Variants in TUFT1 observed in about 807,000 individuals in gnomAD.
The protein encoded by TUFT1 is tuftelin 1.
TUFT1 carries 43 observed loss-of-function variants against 57.8 expected under a neutral mutation model. The observed-to-expected ratio is 0.74, with a 90% CI of 0.58 to 0.96. The LOEUF is 0.96. TUFT1 is among the 40% of genes least tolerant of loss of function. TUFT1 has a pLI of 0.00. For synonymous variants in TUFT1, 166 were observed against 176.7 expected (o/e 0.94, Z 0.48); for missense variants, 459 against 489.0 (o/e 0.94, Z 0.58).
At chr1:151,546,798 T>C (rs1456306555) in intron 1 of TUFT1, among the ~76,000 whole-genome samples, 1 of 152,238 alleles carries the variant, frequency 6.6e-6, no homozygotes, top group African/African-American at 2.4e-5. Flanking sequence ...GGGTTCTTTC[T>C]ACTTTTTGGC....
chr1:151,574,189 T>G (rs1191426332), intron 7 of TUFT1, 81 bp from the exon 8 acceptor site: 1 of 1,532,924 alleles, frequency 6.5e-7, no homozygotes, highest in Non-Finnish European at 8.8e-7. Flanking sequence ...CCGCCCAGGT[T>G]CCTGGGTTCT....
At chr1:151,556,004 TC>T (rs941851890) in intron 1 of TUFT1, among the ~76,000 whole-genome samples, 4 of 151,750 alleles carry the variant, frequency 2.6e-5, no homozygotes, top group African/African-American at 9.7e-5. Flanking sequence ...ATTTCCCTCC[TC>T]CCCCCCACTT....
intron 1 of TUFT1, 187 bp from the exon 2 acceptor site, chr1:151,561,904 C>T (rs1417745653): frequency 1.3e-6 from 2 of 1,519,086 alleles, no homozygotes; most frequent in African/African-American, 2.8e-5. Context: ...CCCAGAGTCA[C>T]CACCCCAAAC....
At chr1:151,561,183 A>G (rs1470049810) in intron 1 of TUFT1, among the ~76,000 whole-genome samples, 3 of 151,964 alleles carry the variant, frequency 2.0e-5, no homozygotes, top group Non-Finnish European at 4.4e-5. Flanking sequence ...ATTTTTTAGT[A>G]GAGACGGGGT....
intron 1 of TUFT1, among the ~76,000 whole-genome samples, chr1:151,561,036 C>T (rs1363456969): frequency 6.6e-6 from 1 of 151,264 alleles, no homozygotes; most frequent in Non-Finnish European, 1.5e-5. Flanking sequence ...CTCTGTCACC[C>T]AGGCTGGAGT....
chr1:151,574,681 C>T (rs1259532520), intron 8 of TUFT1, among the ~76,000 whole-genome samples: 4 of 152,186 alleles, frequency 2.6e-5, no homozygotes, highest in African/African-American at 9.6e-5. Context: ...AGTGGGCCTG[C>T]ATGATGCAGG....
rs1553249393 is a variant in TUFT1, at chr1:151,554,695, C to CCTTTTTTTTTTT, written c.61-7396_61-7395insCTTTTTTTTTTT. On this transcript the variant is annotated intron_variant, in intron 1 of 12. Coordinates refer to ENST00000368849, the MANE Select transcript of TUFT1 (RefSeq NM_020127.3). ...ACTGTGAACCACTGTGCCCGGCCCC[C>CCTTTTTTTTTTT]TTTTTTTTTTTTTTTTTTTTTTTTT... Among the ~76,000 whole-genome samples, 6 of 85,652 alleles carry CCTTTTTTTTTTT rather than the reference C, an allele frequency of 7.0e-5. 2 individuals carry two copies. The highest frequency in any genetic ancestry group is 6.5e-5 in the Non-Finnish European group (3 of 46,080). The allele number at this position is 85,652 out of a possible 152,430, so 56.2% of individuals were successfully genotyped here.
chr1:151,578,788 A>G lies in TUFT1; in HGVS notation c.886A>G (p.Lys296Glu). ...EKIHHLDDML[K>E]SQQRKVRQMI... The stretch of plus-strand genomic sequence containing the variant: ...GATCCACCACTTGGATGACATGCTC[A>G]AGAGCCAGCAGCGGAAAGTCCGGCA... The change falls in exon 10 of 13, where the codon AAG becomes GAG. Residue 296 changes from lysine to glutamate, a missense_variant. Lys to Glu is a moderately conservative substitution (Grantham distance 56). Coordinates refer to ENST00000368849, the MANE Select transcript of TUFT1 (RefSeq NM_020127.3). 1 of 1,583,076 alleles carries G rather than the reference A, an allele frequency of 6.3e-7. No homozygotes were observed.
intron 1 of TUFT1, among the ~76,000 whole-genome samples, chr1:151,543,748 G>A (rs772231064): frequency 5.3e-5 from 8 of 152,246 alleles, no homozygotes; most frequent in African/African-American, 1.9e-4. Flanking sequence ...GAGTACCATT[G>A]TCCCTTGGCC....
rs539563806 is a variant in TUFT1 at position 151,564,554 on chromosome 1, G to A, written c.354G>A (p.Glu118=). 1.2e-6 allele frequency: 2 copies of A among 1,614,128 alleles called. No homozygotes were observed. Among genetic ancestry groups the A allele is most frequent in the Admixed American group, 1.7e-5 (1 of 60,002 alleles). ...EARNCLQKLR[E]DISSKLDRNL... is the part of the protein sequence containing the mutation. ...GGAACTGCCTACAGAAGCTCCGGGA[G>A]GATATAAGTAGCAAGCTTGACAGGA... Residue 118 remains glutamate, a synonymous_variant, in exon 5 of 13, where the codon GAG becomes GAA. Coordinates refer to ENST00000368849, the MANE Select transcript of TUFT1 (RefSeq NM_020127.3).
chr1:151,540,456 C>G lies in TUFT1; in HGVS notation c.60+30C>G, dbSNP rs780078901. ...GAAAAAGCGCTCTCGCTGTCTTCTC[C>G]GTTTTGTATTCCCGGTTTCTAAGTC... is the stretch of plus-strand genomic sequence containing the variant. On this transcript the variant is annotated intron_variant, in intron 1 of 12. Coordinates refer to ENST00000368849, the MANE Select transcript of TUFT1 (RefSeq NM_020127.3). 4 of 1,613,434 alleles carry G rather than the reference C, an allele frequency of 2.5e-6. No homozygotes were observed. The African/African-American group carries it at 4.0e-5, about 16-fold the overall frequency.
In TUFT1 at chr1:151,569,724, T is replaced by C. The variant is rs553275896; in HGVS notation, c.548T>C (p.Leu183Pro). ...RKTVQDLLAKLQEAKRQHQSD... is the reference protein window; with the variant it reads ...RKTVQDLLAKPQEAKRQHQSD... ...ACGGTGCAGGACTTGCTGGCCAAGC[T>C]TCAGGAGGCCAAGCGGCAACACCAG... Residue 183 changes from leucine to proline, a missense_variant, in exon 7 of 13, where the codon CTT becomes CCT. Transcript: ENST00000368849. 21 of 1,614,086 alleles carry C rather than the reference T, an allele frequency of 1.3e-5. No homozygotes were observed. In the African/African-American group the frequency reaches 2.4e-4, roughly 18 times the overall value.
At chr1:151,556,180 T>A (rs1665691836) in intron 1 of TUFT1, among the ~76,000 whole-genome samples, 1 of 152,252 alleles carries the variant, frequency 6.6e-6, no homozygotes, top group Non-Finnish European at 1.5e-5. Context: ...AATAGTTTGA[T>A]CCTTTTTATT....
chr1:151,579,821 G>A, intron 11 of TUFT1, 89 bp downstream of exon 11: 1 of 1,314,226 alleles, frequency 7.6e-7, no homozygotes, highest in Non-Finnish European at 1.1e-6. Flanking sequence ...AGGGGTCTTT[G>A]TCATGTCTTG....
chr1:151,574,274 C>T lies in TUFT1; in HGVS notation c.599C>T (p.Thr200Ile). The T allele has an allele frequency of 6.2e-7, 1 of 1,613,818 alleles. No homozygotes were observed. Among genetic ancestry groups the T allele is most frequent in the East Asian group, 2.2e-5 (1 of 44,876 alleles). ...HQSDCVAFEV[T>I]LSRYQREAEQ... ...TATTCCTGCTCCGTGTTTTAGGTCA[C>T]ACTCAGCCGGTACCAGAGGGAAGCA... Residue 200 changes from threonine to isoleucine, a missense_variant, in exon 8 of 13, where the codon ACA (threonine) becomes ATA (isoleucine). By Grantham distance (89) the Thr-to-Ile change is moderately conservative (BLOSUM62 -1). Coordinates refer to ENST00000368849, the MANE Select transcript of TUFT1 (RefSeq NM_020127.3).
chr1:151,570,719 T>A (rs550686224), intron 7 of TUFT1, among the ~76,000 whole-genome samples: 64 of 152,332 alleles, frequency 4.2e-4, no homozygotes, highest in Middle Eastern at 3.4e-3. Flanking sequence ...GTTTTCTTTC[T>A]GTCTTTGGAG....
intron 7 of TUFT1, among the ~76,000 whole-genome samples, chr1:151,572,182 C>T (rs1255483893): frequency 6.6e-6 from 1 of 152,104 alleles, no homozygotes; most frequent in African/African-American, 2.4e-5. Flanking sequence ...GCCTGGGCAA[C>T]AGATTGAGAC....
In TUFT1 at chr1:151,564,442, C is replaced by T. The variant is rs180957274; in HGVS notation, c.325-83C>T. The T allele has an allele frequency of 1.8e-5, 19 of 1,029,038 alleles. No individual in the cohort carries two copies. In the Admixed American group the frequency reaches 3.1e-4, roughly 17 times the overall value. 63.7% of individuals were successfully genotyped at this position (1,029,038 alleles called of 1,614,324 possible). On this transcript the variant is annotated intron_variant, in intron 4 of 12. Transcript: ENST00000368849. ...ACAGTGCCTGACTCGCAGTACAGGC[C>T]AGGGATGGGGCACAGAGTTGGGTGA...
Position 151,577,279 on chromosome 1 carries a change from C to G in TUFT1, c.819-1442C>G, listed in dbSNP as rs925438766. 2.0e-5 allele frequency among the ~76,000 whole-genome samples: 3 copies of G among 152,294 alleles called. 1 individual carries two copies. The highest frequency in any genetic ancestry group is 4.4e-5 in the Non-Finnish European group (3 of 68,022). On this transcript the variant is annotated intron_variant, in intron 9 of 12. Coordinates refer to ENST00000368849, the MANE Select transcript of TUFT1 (RefSeq NM_020127.3). ...TGGCCACTGGTGATTAGTTTAGTCT[C>G]TAGCTCCTATCCCCTGTCCCTTTCC... is the stretch of plus-strand genomic sequence containing the variant.
Sources: gnomAD v4.1 joint callset for allele counts (sites outside exome capture counted in the v4.1 genomes callset) on GRCh38, gnomAD v4.1.1 for gene constraint, MANE v1.5 for transcripts, NCBI Gene and HGNC (gene_info 2026-07-23, HGNC 2026-07-21) for gene names.